ATP8B1: variants seen among roughly 807,000 people sequenced by gnomAD.
ATP8B1 encodes ATPase phospholipid transporting 8B1.
A neutral mutation model predicts 149.9 loss-of-function variants in ATP8B1; 80 were observed. That is an observed-to-expected ratio of 0.53 (90% CI 0.45 to 0.64). The LOEUF is 0.64. Ranked by LOEUF, ATP8B1 falls within the 30% of genes least tolerant of loss-of-function variation. The probability of loss-of-function intolerance (pLI) is 0.00; values close to 1 mark genes in which losing one functional copy is unlikely to be tolerated. For missense variants in ATP8B1, 1,247 were observed against 1,552.6 expected, an observed-to-expected ratio of 0.80 and a Z score of 3.31; for synonymous variants, 536 against 562.8, an observed-to-expected ratio of 0.95 and a Z score of 0.67.
rs1443015094 is a variant in ATP8B1, at chr18:57,662,547, G to A, written c.2354C>T (p.Pro785Leu). ...GGGTGGAAAAAAAGATTCCTGCACA[G>A]GAGGTGCAAACTTTGCGTAGACGCC... ...RGGVYAKFAPPVQESFFPPGG... is the reference protein window; with the variant it reads ...RGGVYAKFAPLVQESFFPPGG... The change falls in exon 21 of 28, where the codon CCT becomes CTT. Residue 785 changes from proline (P) to leucine (L), a missense_variant. Around this residue, in one of 3 missense-constraint regions of ATP8B1, gnomAD observed 853 missense variants for 1,035.7 expected, o/e 0.82. Coordinates refer to ENST00000648908, the MANE Select transcript of ATP8B1 (RefSeq NM_001374385.1). The A allele has an allele frequency of 6.2e-7, 1 of 1,614,152 alleles. No individual in the cohort carries two copies. Among genetic ancestry groups the A allele is most frequent in the Non-Finnish European group, 8.5e-7 (1 of 1,180,024 alleles).
chr18:57,754,173 C>T (rs1312152462), intron 1 of ATP8B1, among the ~76,000 whole-genome samples: 2 of 152,050 alleles, frequency 1.3e-5, no homozygotes, highest in Non-Finnish European at 2.9e-5. Context: ...CACAGGGGCT[C>T]ATGCCTGTAA....
At position 57,729,549 on chromosome 18, in the gene ATP8B1, CTT is replaced by C. The variant is rs71171074; in HGVS notation, c.181+2076_181+2077del. Among the ~76,000 whole-genome samples the C allele has an allele frequency of 3.3e-5, 4 of 120,742 alleles. No homozygotes were observed. The East Asian group carries it at 8.3e-4, about 25-fold the overall frequency. 79.2% of individuals were successfully genotyped at this position (120,742 alleles called of 152,430 possible). A position where few individuals can be genotyped will look rare whatever the true frequency, so the allele number is the denominator to read the frequency against. ...GGTGGGAATTCCATTTTCTTTCTTT[CTT>C]TTTTTTTTTTTTTTTTGAGTTGGAG... On this transcript the variant is annotated intron_variant, in intron 2 of 27. Coordinates refer to ENST00000648908, the MANE Select transcript of ATP8B1 (RefSeq NM_001374385.1).
rs113904098 is a variant in ATP8B1 at position 57,679,399 on chromosome 18, A to T, written c.1631-4377T>A. On this transcript the variant is annotated intron_variant, in intron 15 of 27. Coordinates refer to ENST00000648908, the MANE Select transcript of ATP8B1 (RefSeq NM_001374385.1). ...CTAAAATAAAAATTGAAGGTGTAAAAACAAACTAAAAAAACAAACAAAAAC... is the reference window on the plus strand; with the variant it reads ...CTAAAATAAAAATTGAAGGTGTAAATACAAACTAAAAAAACAAACAAAAAC... 4.9e-3 allele frequency among the ~76,000 whole-genome samples: 750 copies of T among 152,036 alleles called. 2 individuals are homozygous for T. Among genetic ancestry groups the T allele is most frequent in the South Asian group, 0.019 (90 of 4,732 alleles).
At chr18:57,770,824 C>G (rs549868150) in intron 1 of ATP8B1, among the ~76,000 whole-genome samples, 4 of 152,322 alleles carry the variant, frequency 2.6e-5, no homozygotes, top group Admixed American at 6.5e-5. Context: ...CAGTCAGATA[C>G]GAGTTAAAGT....
At chr18:57,668,199 T>C (rs1318481746) in intron 19 of ATP8B1, 1 of 1,440,546 alleles carries the variant, frequency 6.9e-7, no homozygotes, top group Non-Finnish European at 9.2e-7. Flanking sequence ...CAGCAAGACA[T>C]GGCCAGGAGC....
intron 21 of ATP8B1, among the ~76,000 whole-genome samples, chr18:57,661,694 C>CATAT (rs1379500624): frequency 2.4e-5 from 2 of 82,200 alleles, no homozygotes; most frequent in African/African-American, 8.9e-5. Flanking sequence ...CACACACACA[C>CATAT]ACATATATAT....
intron 2 of ATP8B1, among the ~76,000 whole-genome samples, chr18:57,707,483 T>G (rs879110694): frequency 6.6e-6 from 1 of 152,014 alleles, no homozygotes; most frequent in African/African-American, 2.4e-5. Context: ...GCACAACTAT[T>G]TTTGGAGATG....
intron 1 of ATP8B1, among the ~76,000 whole-genome samples, chr18:57,744,895 A>G (rs911005187): frequency 1.3e-5 from 2 of 152,242 alleles, no homozygotes; most frequent in Admixed American, 6.5e-5. Flanking sequence ...GACAACTTAT[A>G]TTCCCCATCC....
intron 22 of ATP8B1, among the ~76,000 whole-genome samples, chr18:57,657,521 C>T (rs1343716798): frequency 6.6e-6 from 1 of 152,198 alleles, no homozygotes; most frequent in Non-Finnish European, 1.5e-5. Context: ...AGTTACAGAA[C>T]ACAAGGTCTG....
At chr18:57,770,499 C>T (rs896101259) in intron 1 of ATP8B1, among the ~76,000 whole-genome samples, 3 of 152,376 alleles carry the variant, frequency 2.0e-5, no homozygotes, top group Non-Finnish European at 2.9e-5. Context: ...TTCCTCACTC[C>T]GTGAGACACA....
intron 15 of ATP8B1, among the ~76,000 whole-genome samples, chr18:57,679,771 T>C (rs1243115347): frequency 6.6e-6 from 1 of 152,020 alleles, no homozygotes; most frequent in Non-Finnish European, 1.5e-5. Flanking sequence ...TTCAAGCAAT[T>C]CTCCTGTCTC....
chr18:57,718,778 TC>T (rs1555694761), intron 2 of ATP8B1, among the ~76,000 whole-genome samples: 1 of 152,186 alleles, frequency 6.6e-6, no homozygotes, highest in Non-Finnish European at 1.5e-5. Context: ...AACCATATGA[TC>T]ATTTCAATTG....
chr18:57,696,596 C>T (rs1350489795), intron 8 of ATP8B1, among the ~76,000 whole-genome samples: 2 of 149,832 alleles, frequency 1.3e-5, no homozygotes, highest in Admixed American at 6.7e-5. Context: ...ATTGCCTGAT[C>T]TATGAAGCAA....
chr18:57,682,578 T>C (rs1912034983), intron 15 of ATP8B1, among the ~76,000 whole-genome samples: 1 of 152,204 alleles, frequency 6.6e-6, no homozygotes, highest in Non-Finnish European at 1.5e-5. Flanking sequence ...GGTGACTTTG[T>C]AATATCATAC....
chr18:57,718,893 T>C (rs942933156), intron 2 of ATP8B1, among the ~76,000 whole-genome samples: 1 of 152,190 alleles, frequency 6.6e-6, no homozygotes, highest in African/African-American at 2.4e-5. Context: ...AAAAGCCATA[T>C]ATGACAGACC....
intron 2 of ATP8B1, among the ~76,000 whole-genome samples, chr18:57,724,338 C>T (rs1216982998): frequency 3.5e-5 from 5 of 144,736 alleles, no homozygotes; most frequent in African/African-American, 5.1e-5. Flanking sequence ...AGAAAATTTT[C>T]GCAACCTACT....
intron 13 of ATP8B1, among the ~76,000 whole-genome samples, chr18:57,685,498 A>G (rs1444488587): frequency 2.0e-5 from 3 of 152,112 alleles, no homozygotes; most frequent in Admixed American, 6.6e-5. Flanking sequence ...GCATGTCCCT[A>G]TATCATTTTA....
intron 18 of ATP8B1, 24 bp from the exon 19 acceptor site, chr18:57,668,564 A>AAAAAT (rs1362028294): frequency 6.9e-7 from 1 of 1,449,568 alleles, no homozygotes; most frequent in Non-Finnish European, 9.4e-7. Context: ...TAAAAAAAAA[A>AAAAAT]AAAAAAGGAA....
At chr18:57,744,936 AAAGGC>A (rs1461206692) in intron 1 of ATP8B1, among the ~76,000 whole-genome samples, 1 of 152,262 alleles carries the variant, frequency 6.6e-6, no homozygotes, top group Non-Finnish European at 1.5e-5. Context: ...ATTTGAATGA[AAAGGC>A]AGTAGAAGAG....
Sources: allele counts gnomAD v4.1 joint callset (sites outside exome capture counted in the v4.1 genomes callset), GRCh38; gene constraint gnomAD v4.1.1; regional missense constraint gnomAD v4.1.1; transcripts MANE v1.5; gene names NCBI Gene and HGNC (gene_info 2026-07-23, HGNC 2026-07-21).